The following VWF variants were observed in gnomAD, a reference collection of about 807,000 sequenced individuals.
VWF encodes the protein Factor VIII related antigen.
VWF carries 176 observed loss-of-function variants against 308.6 expected under a neutral mutation model. That is an observed-to-expected ratio of 0.57 (90% CI 0.50 to 0.65). The LOEUF (loss-of-function observed/expected upper bound fraction) is 0.65. Ranked by LOEUF, VWF falls within the 30% of genes least tolerant of loss-of-function variation. The pLI is 0.00. For synonymous variants in VWF, 1,385 were observed against 1,443.4 expected (o/e 0.96, Z 0.92); for missense variants, 3,146 against 3,648.2 (o/e 0.86, Z 3.55).
chr12:5,991,557 T>C (rs1198872649), intron 38 of VWF, among the ~76,000 whole-genome samples: 3 of 152,202 alleles, frequency 2.0e-5, no homozygotes, highest in South Asian at 2.1e-4. Flanking sequence ...ATAAAGACAA[T>C]AGTAATAACA....
intron 5 of VWF, 81 bp from the exon 6 acceptor site, chr12:6,095,665 G>T: frequency 6.3e-7 from 1 of 1,597,972 alleles, no homozygotes; most frequent in South Asian, 1.1e-5. Flanking sequence ...AGGTCTGCTG[G>T]TGGTTTTGTG....
At chr12:6,079,314 A>G (rs1944877172) in intron 6 of VWF, among the ~76,000 whole-genome samples, 1 of 152,168 alleles carries the variant, frequency 6.6e-6, no homozygotes, top group African/African-American at 2.4e-5. Flanking sequence ...GGACACAGAA[A>G]CAGGTCCAAG....
At position 6,121,209 on chromosome 12, in the gene VWF, G is replaced by T; in HGVS notation, c.185C>A (p.Ala62Glu). Residue 62 changes from alanine (A) to glutamate (E), a missense_variant, in exon 3 of 52, where the codon GCA becomes GAA. Ala to Glu is a moderately radical substitution (Grantham distance 107). Around this residue, in one of 3 missense-constraint regions of VWF, gnomAD observed 1,304 missense variants for 1,353.0 expected, o/e 0.96. Coordinates refer to ENST00000261405, the MANE Select transcript of VWF (RefSeq NM_000552.5). ...SFAGYCSYLL[A>E]GGCQKRSFSI... ...GAAGGAGCGTTTCTGGCAGCCCCCT[G>T]CCAGGAGGTAACTGCAGTATCCCGC... 1 of 1,614,190 alleles carries T rather than the reference G, an allele frequency of 6.2e-7. No homozygotes were observed. The highest frequency in any genetic ancestry group is 8.5e-7 in the Non-Finnish European group (1 of 1,180,030).
At position 6,051,775 on chromosome 12, in the gene VWF, A is replaced by AT. The variant is rs374802964; in HGVS notation, c.2186+767dup. On this transcript the variant is annotated intron_variant, in intron 16 of 51. Transcript: ENST00000261405. Reference sequence around the variant, plus strand: ...CAGGTATGCACCACCATGGCCAACTATTTTTTTTTCTTTGTATTTAGGGAC... The same window carrying AT: ...CAGGTATGCACCACCATGGCCAACTATTTTTTTTTTCTTTGTATTTAGGGAC... 1.5e-4 allele frequency among the ~76,000 whole-genome samples: 23 copies of AT among 150,940 alleles called. 1 individual carries two copies. Among genetic ancestry groups the AT allele is most frequent in the African/African-American group, 3.9e-4 (16 of 41,070 alleles).
At position 5,967,328 on chromosome 12, in the gene VWF, G is replaced by A. The variant is rs532478457; in HGVS notation, c.7887+158C>T. Among the ~76,000 whole-genome samples the A allele has an allele frequency of 5.3e-5, 8 of 152,340 alleles. No homozygotes were observed. In the South Asian group the frequency reaches 1.7e-3, roughly 32 times the overall value. On this transcript the variant is annotated intron_variant, in intron 47 of 51. Coordinates refer to ENST00000261405, the MANE Select transcript of VWF (RefSeq NM_000552.5). Reference sequence around the variant, plus strand: ...ATTATTTCTGAGGCATGCAGTTTGGGTGGGTGATTTTTAGTCTCTTCTTTA... The same window carrying A: ...ATTATTTCTGAGGCATGCAGTTTGGATGGGTGATTTTTAGTCTCTTCTTTA...
chr12:5,967,359 G>C (rs1042172767), intron 47 of VWF, 127 bp downstream of exon 47: 7 of 838,370 alleles, frequency 8.3e-6, no homozygotes, highest in African/African-American at 1.7e-5. Flanking sequence ...CTTTATTATT[G>C]TCAATTATTG....
intron 5 of VWF, among the ~76,000 whole-genome samples, chr12:6,103,521 T>C (rs868648470): frequency 2.9e-5 from 4 of 137,826 alleles, no homozygotes; most frequent in East Asian, 2.2e-4. Flanking sequence ...TATACACACA[T>C]ATGTGTATAT....
chr12:6,033,009 CATGCAT>C (rs1944289803), intron 20 of VWF, among the ~76,000 whole-genome samples: 1 of 132,802 alleles, frequency 7.5e-6, no homozygotes, highest in Admixed American at 7.2e-5. Context: ...CACACACGCA[CATGCAT>C]ACACCCACAC....
intron 34 of VWF, among the ~76,000 whole-genome samples, chr12:6,010,577 G>A (rs539371106): frequency 6.6e-6 from 1 of 152,312 alleles, no homozygotes; most frequent in Admixed American, 6.5e-5. Flanking sequence ...ACTCATTGCA[G>A]CATTGCTTGT....
Position 5,976,102 on chromosome 12 carries a change from C to T in VWF, c.7437+9G>A. The T allele has an allele frequency of 6.2e-7, 1 of 1,613,656 alleles. No individual in the cohort carries two copies. The stretch of plus-strand genomic sequence containing the variant: ...AGCTGCAGGCATGCCCAGCCCCTGC[C>T]CCACTCACCGACCGACAGCTGTCCT... On this transcript the variant is annotated intron_variant, in intron 43 of 51. Transcript: ENST00000261405.
At chr12:6,103,039 A>G (rs993335384) in intron 5 of VWF, among the ~76,000 whole-genome samples, 3 of 152,116 alleles carry the variant, frequency 2.0e-5, no homozygotes, top group African/African-American at 7.2e-5. Context: ...AAATATACAC[A>G]TAGATCGGCC....
intron 6 of VWF, among the ~76,000 whole-genome samples, chr12:6,076,728 C>G (rs1415161588): frequency 6.6e-6 from 1 of 152,156 alleles, no homozygotes; most frequent in African/African-American, 2.4e-5. Flanking sequence ...AAAGAAACGA[C>G]CCGTTTTGAG....
In VWF at chr12:5,994,600, A is replaced by G; in HGVS notation, c.6071T>C (p.Val2024Ala). ...VELHSDMEVT[V>A]NGRLVSVPYV... is the part of the protein sequence containing the mutation. ...AGGAACAGAGACCAGTCTCCCATTCACCGTCACCTGCACAAAGAAGAAAGA... is the reference window on the plus strand; with the variant it reads ...AGGAACAGAGACCAGTCTCCCATTCGCCGTCACCTGCACAAAGAAGAAAGA... The change falls in exon 36 of 52, where the codon GTG (valine) becomes GCG (alanine). Residue 2024 changes from valine to alanine, a missense_variant. By Grantham distance (64) the Val-to-Ala change is moderately conservative (BLOSUM62 0). Coordinates refer to ENST00000261405, the MANE Select transcript of VWF (RefSeq NM_000552.5). The G allele has an allele frequency of 6.2e-7, 1 of 1,613,928 alleles. No homozygotes were observed. The highest frequency in any genetic ancestry group is 8.5e-7 in the Non-Finnish European group (1 of 1,179,838).
At chr12:6,100,971 T>A (rs1257115820) in intron 5 of VWF, among the ~76,000 whole-genome samples, 2 of 151,828 alleles carry the variant, frequency 1.3e-5, no homozygotes, top group Non-Finnish European at 2.9e-5. Flanking sequence ...TATATAAAGG[T>A]TATAAAACAA....
chr12:5,973,780 A>G (rs963696495), intron 43 of VWF, among the ~76,000 whole-genome samples: 3 of 152,162 alleles, frequency 2.0e-5, no homozygotes, highest in African/African-American at 7.2e-5. Flanking sequence ...TTCTCAGAAT[A>G]CAGTTCCTAC....
At position 6,080,292 on chromosome 12, in the gene VWF, C is replaced by T. The variant is rs12427346; in HGVS notation, c.658-4741G>A. On this transcript the variant is annotated intron_variant, in intron 6 of 51. Transcript: ENST00000261405. Reference sequence around the variant, plus strand: ...CTGAATCAAACCTAACAGTGATGAACGCAGACAGGAGTAAGTCATGCCTTT... The same window carrying T: ...CTGAATCAAACCTAACAGTGATGAATGCAGACAGGAGTAAGTCATGCCTTT... Among the ~76,000 whole-genome samples the T allele has an allele frequency of 3.2e-3, 488 of 152,342 alleles. 2 individuals are homozygous for T. The highest frequency in any genetic ancestry group is 5.2e-3 in the Non-Finnish European group (357 of 68,040).
intron 6 of VWF, among the ~76,000 whole-genome samples, chr12:6,088,828 T>A (rs147347176): frequency 2.0e-5 from 3 of 152,186 alleles, no homozygotes; most frequent in African/African-American, 7.2e-5. Flanking sequence ...AAACTGCAAA[T>A]TTGCATGCAA....
chr12:6,118,887 C>T (rs955573741), intron 3 of VWF, among the ~76,000 whole-genome samples: 3 of 152,234 alleles, frequency 2.0e-5, no homozygotes, highest in African/African-American at 7.2e-5. Context: ...TCTCCAGCTG[C>T]TCTTCCAGCT....
At chr12:6,100,896 A>G (rs934225121) in intron 5 of VWF, among the ~76,000 whole-genome samples, 1 of 152,158 alleles carries the variant, frequency 6.6e-6, no homozygotes, top group Non-Finnish European at 1.5e-5. Context: ...GCATAATAAT[A>G]ATAATAAAGA....
Sources: allele counts gnomAD v4.1 joint callset (sites outside exome capture counted in the v4.1 genomes callset), GRCh38; gene constraint gnomAD v4.1.1; regional missense constraint gnomAD v4.1.1; transcripts MANE v1.5; gene names NCBI Gene and HGNC (gene_info 2026-07-23, HGNC 2026-07-21).